Variants in DMXL2 observed in about 807,000 individuals in gnomAD.
DMXL2 encodes the protein dmX-like protein 2.
DMXL2 carries 103 observed loss-of-function variants against 331.1 expected under a neutral mutation model. That is an observed-to-expected ratio of 0.31 (90% CI 0.27 to 0.37). DMXL2 has a LOEUF of 0.37. Among genes scored for constraint, DMXL2 ranks in the 10% least tolerant of loss-of-function variants. The pLI, the probability that DMXL2 is intolerant of heterozygous loss-of-function variation, is 1.00. For synonymous variants in DMXL2, 1,281 were observed against 1,252.1 expected, an observed-to-expected ratio of 1.02 and a Z score of -0.49; for missense variants, 3,171 against 3,642.9, an observed-to-expected ratio of 0.87 and a Z score of 3.33.
chr15:51,548,898 G>C (rs1364159606), intron 6 of DMXL2, among the ~76,000 whole-genome samples: 1 of 151,970 alleles, frequency 6.6e-6, no homozygotes, highest in African/African-American at 2.4e-5. Context: ...TTACCTGAGT[G>C]CATGAGGGAA....
At chr15:51,483,824 G>C (rs149879829) in intron 23 of DMXL2, among the ~76,000 whole-genome samples, 1 of 151,994 alleles carries the variant, frequency 6.6e-6, no homozygotes, top group African/African-American at 2.4e-5. Flanking sequence ...ACACATCCCA[G>C]CCTGGTCAAA....
chr15:51,545,824 T>C, intron 7 of DMXL2, 58 bp from the exon 8 acceptor site: 1 of 1,474,936 alleles, frequency 6.8e-7, no homozygotes. Context: ...ATTAACTAAT[T>C]AATATTTTGG....
chr15:51,586,320 G>A (rs543392709), intron 1 of DMXL2, among the ~76,000 whole-genome samples: 153 of 152,178 alleles, frequency 1.0e-3, no homozygotes, highest in East Asian at 1.5e-3. Context: ...GTAGAAAAAC[G>A]CAAAGCTGTG....
chr15:51,481,166 T>G lies in DMXL2; in HGVS notation c.5940A>C (p.Glu1980Asp). Reference protein sequence around the residue: ...DEEPLNLDWGEDHDSALDEEE... With the variant: ...DEEPLNLDWGDDHDSALDEEE... Reference sequence around the variant, plus strand: ...CTTCATCTAAGGCACTGTCGTGATCTTCACCCCAATCAAGATTAAGAGGTT... The same window carrying G: ...CTTCATCTAAGGCACTGTCGTGATCGTCACCCCAATCAAGATTAAGAGGTT... The change falls in exon 24 of 44, where the codon GAA becomes GAC. Residue 1980 changes from glutamate (E) to aspartate (D), a missense_variant. Around this residue, in one of 7 missense-constraint regions of DMXL2, gnomAD observed 244 missense variants for 251.4 expected, o/e 0.97. Coordinates refer to ENST00000560891, the MANE Select transcript of DMXL2 (RefSeq NM_001378457.1). The G allele has an allele frequency of 6.2e-7, 1 of 1,613,778 alleles. No individual in the cohort carries two copies. The highest frequency in any genetic ancestry group is 8.5e-7 in the Non-Finnish European group (1 of 1,179,774).
Position 51,480,527 on chromosome 15 carries a change from A to C in DMXL2, c.6564+15T>G. 1.3e-6 allele frequency: 2 copies of C among 1,484,468 alleles called. No individual in the cohort carries two copies. Among genetic ancestry groups the C allele is most frequent in the Non-Finnish European group, 1.8e-6 (2 of 1,114,402 alleles). The allele number at this position is 1,484,468 out of a possible 1,614,324, so 92.0% of individuals were successfully genotyped here. On this transcript the variant is annotated intron_variant, in intron 24 of 43. Coordinates refer to ENST00000560891, the MANE Select transcript of DMXL2 (RefSeq NM_001378457.1). ...ACTGAAATAACCAAGATTGAAAAAA[A>C]AGTGATATTCACACCTGTTGTGATT...
At chr15:51,495,328 TAAAAG>T (rs1016066953) in intron 18 of DMXL2, among the ~76,000 whole-genome samples, 194 bp from the exon 19 acceptor site, 1 of 152,092 alleles carries the variant, frequency 6.6e-6, no homozygotes, top group African/African-American at 2.4e-5. Context: ...ACTAAACTCT[TAAAAG>T]AAAAATGATT....
chr15:51,503,570 G>A (rs1207889266), intron 16 of DMXL2, among the ~76,000 whole-genome samples: 1 of 152,112 alleles, frequency 6.6e-6, no homozygotes, highest in Non-Finnish European at 1.5e-5. Context: ...CCAGAGAATG[G>A]GAAGGGTTGT....
chr15:51,449,005 G>A lies in DMXL2; in HGVS notation c.9156C>T (p.Asn3052=), dbSNP rs758114458. The A allele has an allele frequency of 6.2e-7, 1 of 1,614,100 alleles. No individual in the cohort carries two copies. Among genetic ancestry groups the A allele is most frequent in the South Asian group, 1.1e-5 (1 of 91,084 alleles). ...RVLPNAFNIP[N]RILDIL ...ATCTTTATAGAATGTCAAGAATTCTGTTAGGGATGTTAAAAGCATTGGGCA... is the reference window on the plus strand; with the variant it reads ...ATCTTTATAGAATGTCAAGAATTCTATTAGGGATGTTAAAAGCATTGGGCA... Residue 3052 remains asparagine (N), a synonymous_variant, in exon 44 of 44, where the codon AAC becomes AAT. Transcript: ENST00000560891.
Position 51,536,857 on chromosome 15 carries a change from A to T in DMXL2, c.1623T>A (p.Ser541=). Reference sequence around the variant, plus strand: ...ATGCAACAGGAATCCGAGAAGAAAAAGAAACCTGAAAAACATAATTATATG... The same window carrying T: ...ATGCAACAGGAATCCGAGAAGAAAATGAAACCTGAAAAACATAATTATATG... ...NPGIFRQVQV[S]FSSRIPVAFP... The change falls in exon 12 of 44, where the codon TCT becomes TCA. Residue 541 remains serine (S), a synonymous_variant. Transcript: ENST00000560891. The T allele has an allele frequency of 6.3e-7, 1 of 1,594,200 alleles. No individual in the cohort carries two copies. Among genetic ancestry groups the T allele is most frequent in the Non-Finnish European group, 8.5e-7 (1 of 1,173,896 alleles).
At chr15:51,549,633 T>C (rs1247499534) in intron 6 of DMXL2, among the ~76,000 whole-genome samples, 1 of 152,048 alleles carries the variant, frequency 6.6e-6, no homozygotes, top group East Asian at 1.9e-4. Context: ...TATTTTTTGG[T>C]TTTTTGATTA....
rs1339396340 is a variant in DMXL2, at chr15:51,488,065, A to G, written c.5106T>C (p.Asp1702=). Residue 1702 remains aspartate, a synonymous_variant, in exon 22 of 44, where the codon GAT becomes GAC. Coordinates refer to ENST00000560891, the MANE Select transcript of DMXL2 (RefSeq NM_001378457.1). The part of the protein sequence containing the change: ...TTFFSHNFNE[D]RWRKAALKNA... Reference sequence around the variant, plus strand: ...TTTTCAAAGCAGCTTTTCGCCATCTATCTTCATTAAAGTTGTGGCTGAAAA... The same window carrying G: ...TTTTCAAAGCAGCTTTTCGCCATCTGTCTTCATTAAAGTTGTGGCTGAAAA... The G allele has an allele frequency of 6.2e-7, 1 of 1,613,174 alleles. No homozygotes were observed. Among genetic ancestry groups the G allele is most frequent in the Non-Finnish European group, 8.5e-7 (1 of 1,179,672 alleles).
intron 6 of DMXL2, among the ~76,000 whole-genome samples, chr15:51,551,549 A>G (rs906047517): frequency 6.6e-6 from 1 of 152,150 alleles, no homozygotes; most frequent in Non-Finnish European, 1.5e-5. Context: ...ATACAGATTT[A>G]TTAAAGAGCC....
At position 51,483,165 on chromosome 15, in the gene DMXL2, G is replaced by T. The variant is rs565270885; in HGVS notation, c.5483-1542C>A. 8.9e-4 allele frequency among the ~76,000 whole-genome samples: 135 copies of T among 152,322 alleles called. 1 individual carries two copies. Among genetic ancestry groups the T allele is most frequent in the African/African-American group, 3.1e-3 (128 of 41,580 alleles). ...TTGCAAGCCCTGTGTCCAGTTTGGAGAGACGTCAGAAGTTCACGCAACGGC... is the reference window on the plus strand; with the variant it reads ...TTGCAAGCCCTGTGTCCAGTTTGGATAGACGTCAGAAGTTCACGCAACGGC... On this transcript the variant is annotated intron_variant, in intron 23 of 43. Transcript: ENST00000560891.
chr15:51,592,735 G>C (rs1457290894), intron 1 of DMXL2, among the ~76,000 whole-genome samples: 1 of 152,228 alleles, frequency 6.6e-6, no homozygotes, highest in Non-Finnish European at 1.5e-5. Flanking sequence ...CTCTACAAGA[G>C]CCAGAAGAGA....
chr15:51,529,966 A>C (rs1567074698), intron 13 of DMXL2, among the ~76,000 whole-genome samples: 1 of 152,228 alleles, frequency 6.6e-6, no homozygotes. Context: ...TCAATGTGAT[A>C]CATTTCATCA....
intron 7 of DMXL2, among the ~76,000 whole-genome samples, chr15:51,546,202 T>C (rs114381155): frequency 6.6e-6 from 1 of 152,042 alleles, no homozygotes; most frequent in Non-Finnish European, 1.5e-5. Flanking sequence ...ATCATAAAAC[T>C]GTAAGGAGAA....
At position 51,481,259 on chromosome 15, in the gene DMXL2, G is replaced by A. The variant is rs563188842; in HGVS notation, c.5847C>T (p.Gly1949=). 5 of 1,613,806 alleles carry A rather than the reference G, an allele frequency of 3.1e-6. No homozygotes were observed. Among genetic ancestry groups the A allele is most frequent in the Non-Finnish European group, 4.2e-6 (5 of 1,179,894 alleles). ...KALSDGNGSS[G]IEWSNVTSSQ... ...ATGAAGTTACATTTGACCATTCAAT[G>A]CCAGAACTTCCATTGCCATCACTCA... The change falls in exon 24 of 44, where the codon GGC becomes GGT. Residue 1949 remains glycine, a synonymous_variant. Transcript: ENST00000560891.
chr15:51,519,728 C>T (rs1347175701), intron 13 of DMXL2, among the ~76,000 whole-genome samples: 11 of 147,088 alleles, frequency 7.5e-5, no homozygotes, highest in South Asian at 4.3e-4. Context: ...TTGCAACCTG[C>T]GCCTCCCGAG....
intron 31 of DMXL2, among the ~76,000 whole-genome samples, chr15:51,465,242 C>T (rs1055216930): frequency 2.0e-5 from 3 of 152,034 alleles, no homozygotes; most frequent in South Asian, 2.1e-4. Context: ...ACAAAAAATA[C>T]AAAAATTAGC....
Sources: gnomAD v4.1 joint callset for allele counts (sites outside exome capture counted in the v4.1 genomes callset) on GRCh38, gnomAD v4.1.1 for gene constraint, gnomAD v4.1.1 regional missense constraint, MANE v1.5 for transcripts, NCBI Gene and HGNC (gene_info 2026-07-23, HGNC 2026-07-21) for gene names.